Variants in KIAA1671 observed in about 807,000 individuals in gnomAD.
KIAA1671 encodes the protein uncharacterized protein KIAA1671.
KIAA1671 carries 52 observed loss-of-function variants against 131.2 expected under a neutral mutation model. That is an observed-to-expected ratio of 0.40 (90% CI 0.32 to 0.50). KIAA1671 has a LOEUF of 0.50. Among genes scored for constraint, KIAA1671 ranks in the 20% least tolerant of loss-of-function variants. The probability of loss-of-function intolerance (pLI) is 0.73; values close to 1 mark genes in which losing one functional copy is unlikely to be tolerated. For synonymous variants in KIAA1671, 1,003 were observed against 961.6 expected (o/e 1.04, Z -0.80); for missense variants, 2,360 against 2,364.2 (o/e 1.00, Z 0.04).
chr22:24,992,356 G>A (rs567647721), intron 1 of KIAA1671, among the ~76,000 whole-genome samples: 4 of 152,194 alleles, frequency 2.6e-5, no homozygotes, highest in African/African-American at 7.2e-5. Context: ...TGTACTTACC[G>A]TGTGCCTGTA....
intron 5 of KIAA1671, among the ~76,000 whole-genome samples, chr22:25,045,123 T>C (rs1484344371): frequency 6.6e-6 from 1 of 151,774 alleles, no homozygotes; most frequent in Non-Finnish European, 1.5e-5. Flanking sequence ...ATCACGCCAC[T>C]GCACTCCAGC....
intron 11 of KIAA1671, among the ~76,000 whole-genome samples, chr22:25,186,757 C>T (rs996222621): frequency 3.9e-5 from 6 of 152,230 alleles, no homozygotes; most frequent in Non-Finnish European, 8.8e-5. Flanking sequence ...GAGCCTCAGG[C>T]AGTGTAAAAT....
intron 6 of KIAA1671, chr22:25,050,573 T>C (rs1927480948): frequency 6.6e-6 from 1 of 152,214 alleles, no homozygotes; most frequent in South Asian, 2.1e-4. Flanking sequence ...AAACTTTGCT[T>C]TCCTGAACCT....
intron 8 of KIAA1671, chr22:25,176,226 A>G (rs768910686): frequency 3.3e-5 from 5 of 152,104 alleles, no homozygotes; most frequent in Non-Finnish European, 5.9e-5. Context: ...CTCACAAGAT[A>G]CCACTGTGGC....
At chr22:25,080,211 T>G (rs566278959) in intron 6 of KIAA1671, among the ~76,000 whole-genome samples, 1 of 152,264 alleles carries the variant, frequency 6.6e-6, no homozygotes, top group African/African-American at 2.4e-5. Context: ...GGTGTCAGCA[T>G]ACGTTCTCCA....
intron 6 of KIAA1671, among the ~76,000 whole-genome samples, chr22:25,161,114 C>T (rs1402096273): frequency 6.6e-6 from 1 of 151,978 alleles, no homozygotes; most frequent in Admixed American, 6.6e-5. Context: ...CTGTTTCTCC[C>T]TTCCTAACTT....
chr22:25,189,766 A>G (rs1160975948), intron 11 of KIAA1671, among the ~76,000 whole-genome samples: 1 of 130,224 alleles, frequency 7.7e-6, no homozygotes, highest in East Asian at 2.6e-4. Context: ...TATAGGACGA[A>G]TTTTTTGTTT....
chr22:25,140,489 G>A (rs1420043335), intron 6 of KIAA1671, among the ~76,000 whole-genome samples: 1 of 152,104 alleles, frequency 6.6e-6, no homozygotes, highest in Non-Finnish European at 1.5e-5. Flanking sequence ...CATTCTCAAG[G>A]CAGGGTCTTC....
In KIAA1671 at chr22:25,105,867, G is replaced by A. The variant is rs113163442; in HGVS notation, c.4530+56503G>A. Among the ~76,000 whole-genome samples, 436 of 151,366 alleles carry A rather than the reference G, an allele frequency of 2.9e-3. 3 individuals are homozygous for A. Among genetic ancestry groups the A allele is most frequent in the African/African-American group, 0.01 (422 of 41,278 alleles). Reference sequence around the variant, plus strand: ...CACCACTTAATAGCTGTGTGACCTTGTGTTGGTCATTTCACTTCTTTCTGC... The same window carrying A: ...CACCACTTAATAGCTGTGTGACCTTATGTTGGTCATTTCACTTCTTTCTGC... On this transcript the variant is annotated intron_variant, in intron 6 of 12. Transcript: ENST00000358431.
At chr22:25,151,426 ACT>A (rs944602942) in intron 6 of KIAA1671, among the ~76,000 whole-genome samples, 7 of 137,106 alleles carry the variant, frequency 5.1e-5, no homozygotes, top group African/African-American at 1.9e-4. Flanking sequence ...ATCAACATGA[ACT>A]CTTTTTTTTT....
At chr22:25,117,712 T>G (rs1931747651) in intron 6 of KIAA1671, among the ~76,000 whole-genome samples, 1 of 151,384 alleles carries the variant, frequency 6.6e-6, no homozygotes, top group African/African-American at 2.4e-5. Context: ...GAAGCTGCAT[T>G]TCAGCCCCAT....
chr22:25,179,483 A>G, intron 9 of KIAA1671: 1 of 1,612,974 alleles, frequency 6.2e-7, no homozygotes, highest in Non-Finnish European at 8.5e-7. Flanking sequence ...ATTCTCCTCC[A>G]GCGCCTTGTG....
chr22:25,168,538 A>G (rs1933726843), intron 6 of KIAA1671, among the ~76,000 whole-genome samples: 1 of 151,990 alleles, frequency 6.6e-6, no homozygotes, highest in Non-Finnish European at 1.5e-5. Flanking sequence ...TAAAAATACA[A>G]ACAAATTAGC....
chr22:25,025,383 T>C (rs1369926017), intron 1 of KIAA1671, among the ~76,000 whole-genome samples: 1 of 152,196 alleles, frequency 6.6e-6, no homozygotes, highest in African/African-American at 2.4e-5. Context: ...CTCATCTTTG[T>C]ACACACCGTA....
At chr22:25,162,372 G>A (rs763119241) in intron 6 of KIAA1671, among the ~76,000 whole-genome samples, 6 of 152,154 alleles carry the variant, frequency 3.9e-5, no homozygotes, top group Non-Finnish European at 7.3e-5. Context: ...GAGGGGATTG[G>A]GACACACTTC....
chr22:25,163,616 A>G (rs894346801), intron 6 of KIAA1671, among the ~76,000 whole-genome samples: 1 of 150,942 alleles, frequency 6.6e-6, no homozygotes, highest in Non-Finnish European at 1.5e-5. Context: ...TAATTTTTAT[A>G]TTTTTAGTAG....
At chr22:25,188,450 GTGT>G (rs1568999465) in intron 11 of KIAA1671, among the ~76,000 whole-genome samples, 105 of 20,756 alleles carry the variant, frequency 5.1e-3, no homozygotes, top group South Asian at 5.8e-3. Flanking sequence ...CCAATCGGGT[GTGT>G]GTGTGTGTGT....
rs962874952 is a variant in KIAA1671 at position 24,987,407 on chromosome 22, G to A, written c.-208+34635G>A. ...AGGATGTTCTCGATCTCCTGACCTC[G>A]TGATCCACCCGCCTCGGCCTCTCAA... On this transcript the variant is annotated intron_variant, in intron 1 of 12. Transcript: ENST00000358431. 3.9e-5 allele frequency among the ~76,000 whole-genome samples: 6 copies of A among 151,980 alleles called. No individual in the cohort carries two copies. In the East Asian group the frequency reaches 7.8e-4, roughly 20 times the overall value.
At chr22:25,113,190 T>G (rs901255000) in intron 6 of KIAA1671, among the ~76,000 whole-genome samples, 4 of 152,156 alleles carry the variant, frequency 2.6e-5, no homozygotes, top group African/African-American at 7.2e-5. Context: ...AAGTGCCTAC[T>G]GTGGGGGAAG....
Sources: gnomAD v4.1 joint callset for allele counts (sites outside exome capture counted in the v4.1 genomes callset) on GRCh38, gnomAD v4.1.1 for gene constraint, MANE v1.5 for transcripts, NCBI Gene and HGNC (gene_info 2026-07-23, HGNC 2026-07-21) for gene names.